Variants in DAB1 observed in about 807,000 individuals in gnomAD.
The protein encoded by DAB1 is DAB adaptor protein 1, also known as disabled homolog 1.
Under a neutral mutation model 64.6 loss-of-function variants are expected in DAB1, and 15 were observed. That is an observed-to-expected ratio of 0.23 (90% CI 0.16 to 0.36). The LOEUF (loss-of-function observed/expected upper bound fraction) is 0.36. DAB1 is among the 10% of genes least tolerant of loss of function. The probability of loss-of-function intolerance (pLI) is 1.00; values close to 1 mark genes in which losing one functional copy is unlikely to be tolerated. For synonymous variants in DAB1, 235 were observed against 251.9 expected, an observed-to-expected ratio of 0.93 and a Z score of 0.64; for missense variants, 596 against 706.7, an observed-to-expected ratio of 0.84 and a Z score of 1.78.
chr1:57,146,952 AGTAACT>A (rs776108496), intron 2 of DAB1, among the ~76,000 whole-genome samples: 6 of 152,138 alleles, frequency 3.9e-5, no homozygotes, highest in Non-Finnish European at 7.3e-5. Flanking sequence ...TAGCATGAGC[AGTAACT>A]TCAGTGAGAT....
chr1:58,522,458 A>G (rs878927843), intron 2 of DAB1, among the ~76,000 whole-genome samples: 1 of 152,314 alleles, frequency 6.6e-6, no homozygotes, highest in South Asian at 2.1e-4. Context: ...CTTACAACAA[A>G]CATCATAATG....
chr1:58,268,874 A>G (rs894354978), intron 4 of DAB1, among the ~76,000 whole-genome samples: 3 of 152,208 alleles, frequency 2.0e-5, no homozygotes, highest in Non-Finnish European at 4.4e-5. Flanking sequence ...TTACAAAGCT[A>G]CAGGAATCAA....
intron 1 of DAB1, among the ~76,000 whole-genome samples, chr1:57,395,408 C>A (rs575553619): frequency 6.6e-6 from 1 of 152,098 alleles, no homozygotes; most frequent in Non-Finnish European, 1.5e-5. Flanking sequence ...CAAGCCTTAC[C>A]CTAATAAACT....
At chr1:58,023,505 G>A (rs1222225654) in intron 5 of DAB1, among the ~76,000 whole-genome samples, 4 of 152,070 alleles carry the variant, frequency 2.6e-5, no homozygotes, top group Admixed American at 6.6e-5. Flanking sequence ...AATCTAATAC[G>A]CAGACAGAGT....
intron 4 of DAB1, among the ~76,000 whole-genome samples, chr1:58,298,350 TG>T (rs1662039485): frequency 6.6e-6 from 1 of 152,244 alleles, no homozygotes; most frequent in Non-Finnish European, 1.5e-5. Flanking sequence ...TTTCTATTAT[TG>T]TTCCTTTGCC....
chr1:57,324,870 C>T (rs1676024761), intron 1 of DAB1, among the ~76,000 whole-genome samples: 2 of 152,188 alleles, frequency 1.3e-5, no homozygotes, highest in African/African-American at 4.8e-5. Context: ...AAAGAGTTGA[C>T]TCCCCTCCTT....
chr1:57,508,483 C>A (rs1416027559), intron 7 of DAB1, among the ~76,000 whole-genome samples: 1 of 152,220 alleles, frequency 6.6e-6, no homozygotes, highest in Non-Finnish European at 1.5e-5. Context: ...ATAGCAGCAC[C>A]TTCTTCCTTG....
chr1:58,104,898 C>A (rs1651542246), intron 5 of DAB1, among the ~76,000 whole-genome samples: 2 of 152,052 alleles, frequency 1.3e-5, no homozygotes, highest in African/African-American at 4.8e-5. Context: ...GGAAATTATT[C>A]TCTGAAGTGA....
chr1:57,888,286 AATTATTCCCCGATCCACC>A (rs1413403884), upstream of DAB1, among the ~76,000 whole-genome samples: 1 of 152,174 alleles, frequency 6.6e-6, no homozygotes, highest in Non-Finnish European at 1.5e-5. Flanking sequence ...GAGACAAGTC[AATTATTCCCCGATCCACC>A]ATTCCCTAGG....
chr1:58,046,475 C>A (rs573176048), intron 5 of DAB1, among the ~76,000 whole-genome samples: 20 of 151,138 alleles, frequency 1.3e-4, no homozygotes, highest in African/African-American at 4.9e-4. Flanking sequence ...ATTTTTTTTT[C>A]GAAGGTAGGA....
intron 6 of DAB1, among the ~76,000 whole-genome samples, chr1:57,651,696 A>C (rs775579328): frequency 6.6e-6 from 1 of 152,198 alleles, no homozygotes; most frequent in Non-Finnish European, 1.5e-5. Context: ...CCTGGAATTC[A>C]AAACAGGCTT....
chr1:57,666,849 GGAGGGA>G lies in DAB1; in HGVS notation n.552-17190_552-17185del, dbSNP rs750012743. 4.9e-3 allele frequency among the ~76,000 whole-genome samples: 743 copies of G among 151,118 alleles called. 3 individuals carry two copies. Among genetic ancestry groups the G allele is most frequent in the Non-Finnish European group, 8.4e-3 (570 of 67,628 alleles). On this transcript the variant is annotated intron_variant and non_coding_transcript_variant, in intron 6 of 20. Coordinates refer to the DAB1 transcript ENST00000485760. ...CAGCTAGGGTAATTTTTAATTAAAA[GGAGGGA>G]GAGGGAGAGGGAGAGGGAGGGGGAA...
intron 1 of DAB1, among the ~76,000 whole-genome samples, chr1:58,529,819 G>A (rs554106920): frequency 5.9e-4 from 90 of 152,252 alleles, no homozygotes; most frequent in African/African-American, 2.1e-3. Flanking sequence ...AAGTAATCTA[G>A]AGATGATTTA....
At chr1:57,049,910 G>C (rs2100521203) in intron 9 of DAB1, among the ~76,000 whole-genome samples, 1 of 152,294 alleles carries the variant, frequency 6.6e-6, no homozygotes, top group Non-Finnish European at 1.5e-5. Flanking sequence ...CTCTCTTCTG[G>C]CAGTATTTGT....
intron 14 of DAB1, among the ~76,000 whole-genome samples, chr1:57,008,886 A>C (rs979087855): frequency 1.3e-5 from 2 of 152,158 alleles, no homozygotes; most frequent in African/African-American, 2.4e-5. Context: ...ATTTAAACTC[A>C]AGTCCAAATC....
chr1:57,981,400 A>G (rs1209484833), intron 5 of DAB1, among the ~76,000 whole-genome samples: 1 of 152,190 alleles, frequency 6.6e-6, no homozygotes, highest in Non-Finnish European at 1.5e-5. Flanking sequence ...ACTACTGTGC[A>G]GTTCTTAAGC....
chr1:57,872,695 T>A (rs1416389616), intron 1 of DAB1, among the ~76,000 whole-genome samples: 2 of 151,926 alleles, frequency 1.3e-5, no homozygotes, highest in Non-Finnish European at 2.9e-5. Flanking sequence ...ACCAGAGGGG[T>A]ATGGTCAGTG....
chr1:57,451,972 A>C (rs1686387040), intron 7 of DAB1, among the ~76,000 whole-genome samples: 1 of 152,038 alleles, frequency 6.6e-6, no homozygotes, highest in Admixed American at 6.6e-5. Context: ...TTACAAAGCC[A>C]CTTTTTCATT....
intron 6 of DAB1, among the ~76,000 whole-genome samples, chr1:57,669,598 T>A (rs76300979): frequency 0.013 from 1,946 of 152,300 alleles, 56 homozygotes; most frequent in African/African-American, 0.045. Context: ...CCCAGCACTG[T>A]ATACTAGCAG....
Sources: gnomAD v4.1 joint callset for allele counts (sites outside exome capture counted in the v4.1 genomes callset) on GRCh38, gnomAD v4.1.1 for gene constraint, MANE v1.5 for transcripts, NCBI Gene and HGNC (gene_info 2026-07-23, HGNC 2026-07-21) for gene names.